Variants in PRDM10 observed in about 807,000 individuals in gnomAD.
PRDM10 encodes PR domain zinc finger protein 10.
In PRDM10, 65 loss-of-function variants were observed where a neutral mutation model predicts 133.1. That is an observed-to-expected ratio of 0.49 (90% CI 0.40 to 0.60). The LOEUF (loss-of-function observed/expected upper bound fraction) is 0.60, where lower values mean the gene tolerates loss of function less well. PRDM10 is among the 20% of genes least tolerant of loss of function. PRDM10 has a pLI of 0.00. For synonymous variants in PRDM10, 582 were observed against 580.4 expected (o/e 1.00, Z -0.04); for missense variants, 1,137 against 1,507.1 (o/e 0.75, Z 4.07).
rs375028588 is a variant in PRDM10 at position 129,950,841 on chromosome 11, C to T, written c.295-3471G>A. 1.4e-4 allele frequency among the ~76,000 whole-genome samples: 22 copies of T among 152,184 alleles called. No homozygotes were observed. In the East Asian group the frequency reaches 2.5e-3, roughly 17 times the overall value. On this transcript the variant is annotated intron_variant, in intron 4 of 20. Transcript: ENST00000360871. ...AAACCGCGATGTATTTTTTTCCCAA[C>T]AGATGCTGTCAGAAAGACACCGGTT... is the stretch of plus-strand genomic sequence containing the variant.
At chr11:129,944,461 T>C (rs1019296605) in intron 6 of PRDM10, among the ~76,000 whole-genome samples, 3 of 151,796 alleles carry the variant, frequency 2.0e-5, no homozygotes, top group Non-Finnish European at 4.4e-5. Context: ...GGCGGGCGCC[T>C]GTAGTCCCAG....
At chr11:129,959,879 T>C (rs980980347) in intron 2 of PRDM10, among the ~76,000 whole-genome samples, 1 of 151,688 alleles carries the variant, frequency 6.6e-6, no homozygotes, top group Non-Finnish European at 1.5e-5. Context: ...CCTAGAGACA[T>C]GACCGCACCA....
intron 1 of PRDM10, among the ~76,000 whole-genome samples, chr11:129,987,251 C>T (rs1349551943): frequency 6.6e-6 from 1 of 152,156 alleles, no homozygotes; most frequent in South Asian, 2.1e-4. Context: ...AAGGCAACAG[C>T]TTTCCTGCCA....
chr11:129,941,037 C>A (rs1197058555), intron 7 of PRDM10, among the ~76,000 whole-genome samples: 1 of 152,104 alleles, frequency 6.6e-6, no homozygotes, highest in Non-Finnish European at 1.5e-5. Flanking sequence ...AGATAGGAAT[C>A]TCCTTTTACA....
At chr11:129,904,288 T>C (rs889182758) in intron 20 of PRDM10, among the ~76,000 whole-genome samples, 9 of 152,018 alleles carry the variant, frequency 5.9e-5, no homozygotes, top group African/African-American at 1.7e-4. Flanking sequence ...TTGAAGAGCA[T>C]TTTTCCTTTT....
chr11:129,915,518 C>A, intron 16 of PRDM10, 142 bp downstream of exon 16: 1 of 945,960 alleles, frequency 1.1e-6, no homozygotes, highest in Non-Finnish European at 1.5e-6. Flanking sequence ...TCTCTGTTTA[C>A]AGTGACTAGG....
rs756926372 is a variant in PRDM10 at position 129,923,387 on chromosome 11, C to T, written c.1895G>A (p.Arg632His). ...GTAGATCTTTTCTGAGTGGAAGCTGCGCACGTGTTTTTTCACCTGGTGATA... is the reference window on the plus strand; with the variant it reads ...GTAGATCTTTTCTGAGTGGAAGCTGTGCACGTGTTTTTTCACCTGGTGATA... ...PDFIQVKKHV[R>H]SFHSEKIYQC... The change falls in exon 13 of 21, where the codon CGC becomes CAC. Residue 632 changes from arginine to histidine, a missense_variant. This residue lies in a region of PRDM10 where 635 missense variants were observed against 835.2 expected (regional missense o/e 0.76). Coordinates refer to ENST00000360871, the MANE Select transcript of PRDM10 (RefSeq NM_199437.2). The surrounding 1 kb of genome is among the most constrained non-coding windows in gnomAD (Gnocchi z 4.4). 5 of 1,604,656 alleles carry T rather than the reference C, an allele frequency of 3.1e-6. No individual in the cohort carries two copies. The highest frequency in any genetic ancestry group is 1.7e-5 in the Admixed American group (1 of 58,362).
At chr11:129,946,135 T>A (rs893936781) in intron 5 of PRDM10, among the ~76,000 whole-genome samples, 2 of 151,610 alleles carry the variant, frequency 1.3e-5, no homozygotes, top group Non-Finnish European at 2.9e-5. Context: ...TCCCAACTAC[T>A]CTACTCCGGA....
chr11:129,915,869 G>A lies in PRDM10; in HGVS notation c.2326-9C>T, dbSNP rs746212487. Reference sequence around the variant, plus strand: ...CTGGCACTTTTATAAACCTGCAAATGTAAGCGCCTTGCCATGAAAGCAGTA... The same window carrying A: ...CTGGCACTTTTATAAACCTGCAAATATAAGCGCCTTGCCATGAAAGCAGTA... On this transcript the variant is annotated splice_polypyrimidine_tract_variant and intron_variant, in intron 15 of 20. Transcript: ENST00000360871. 6.2e-7 allele frequency: 1 copy of A among 1,611,572 alleles called. No individual in the cohort carries two copies.
intron 13 of PRDM10, among the ~76,000 whole-genome samples, chr11:129,922,271 A>G (rs1430334359): frequency 1.3e-5 from 2 of 152,362 alleles, no homozygotes; most frequent in South Asian, 2.1e-4. Flanking sequence ...AAAATGAAAA[A>G]TCAAAAAACA....
At chr11:129,916,015 G>A (rs111835952) in intron 15 of PRDM10, among the ~76,000 whole-genome samples, 155 bp from the exon 16 acceptor site, 96 of 152,306 alleles carry the variant, frequency 6.3e-4, no homozygotes, top group African/African-American at 2.2e-3. Context: ...CTATTGAAGA[G>A]CAAGGATATA....
chr11:129,986,044 G>C (rs961788435), intron 1 of PRDM10, among the ~76,000 whole-genome samples: 6 of 151,892 alleles, frequency 4.0e-5, no homozygotes, highest in African/African-American at 1.5e-4. Flanking sequence ...GGCTCATGGT[G>C]GTGTGGCAGA....
intron 1 of PRDM10, among the ~76,000 whole-genome samples, chr11:129,964,909 A>G (rs529819343): frequency 2.6e-4 from 40 of 152,360 alleles, no homozygotes; most frequent in African/African-American, 9.4e-4. Flanking sequence ...CTCTAGGCAC[A>G]AGGTCTAGTA....
At chr11:129,913,549 C>G (rs1344633870) in intron 17 of PRDM10, among the ~76,000 whole-genome samples, 1 of 152,196 alleles carries the variant, frequency 6.6e-6, no homozygotes, top group Non-Finnish European at 1.5e-5. Flanking sequence ...TTTAGTTTGT[C>G]ACCATTAACC....
chr11:129,989,969 G>A (rs1195185200), intron 1 of PRDM10, among the ~76,000 whole-genome samples: 2 of 152,188 alleles, frequency 1.3e-5, no homozygotes, highest in East Asian at 1.9e-4. Flanking sequence ...TTGAAAGGCT[G>A]AGGCAGGTGG....
rs1950563720 is a variant in PRDM10, at chr11:129,923,126, A to G, written c.2034+122T>C. On this transcript the variant is annotated intron_variant, in intron 13 of 20. Coordinates refer to ENST00000360871, the MANE Select transcript of PRDM10 (RefSeq NM_199437.2). The surrounding 1 kb of genome is among the most constrained non-coding windows in gnomAD (Gnocchi z 4.4). ...AAGTCAAACACAAGGCCCAAAGAGT[A>G]TCTCAGGTCCAGTTCATCAGAGGTG... The G allele has an allele frequency of 8.5e-7, 1 of 1,180,304 alleles. No homozygotes were observed. Among genetic ancestry groups the G allele is most frequent in the Non-Finnish European group, 1.1e-6 (1 of 878,062 alleles). 73.1% of individuals were successfully genotyped at this position (1,180,304 alleles called of 1,614,324 possible).
intron 4 of PRDM10, among the ~76,000 whole-genome samples, chr11:129,953,751 T>C (rs999184072): frequency 6.7e-6 from 1 of 149,954 alleles, no homozygotes; most frequent in Admixed American, 6.7e-5. Flanking sequence ...CTTCTGTCTC[T>C]ACCATTTGTC....
chr11:129,914,672 A>G, intron 17 of PRDM10, 32 bp downstream of exon 17: 1 of 1,613,310 alleles, frequency 6.2e-7, no homozygotes, highest in South Asian at 1.1e-5. Flanking sequence ...CACGGCATTC[A>G]TAAGGCAAAG....
intron 1 of PRDM10, among the ~76,000 whole-genome samples, chr11:129,965,747 A>AT (rs202125223): frequency 0.014 from 2,017 of 146,350 alleles, 41 homozygotes; most frequent in African/African-American, 0.05. Flanking sequence ...TCAAAAAAAA[A>AT]AATATATATA....
Sources: gnomAD v4.1 joint callset for allele counts (sites outside exome capture counted in the v4.1 genomes callset) on GRCh38, gnomAD v4.1.1 for gene constraint, gnomAD v4.1.1 regional missense constraint, Gnocchi (gnomAD v3.1) non-coding constraint, MANE v1.5 for transcripts, NCBI Gene and HGNC (gene_info 2026-07-23, HGNC 2026-07-21) for gene names.